The following AP1S3 variants were observed in gnomAD, a reference collection of about 807,000 sequenced individuals.
The protein encoded by AP1S3 is adaptor related protein complex 1 subunit sigma 3, also known as AP-1 complex subunit sigma-3.
AP1S3 carries 10 observed loss-of-function variants against 20.9 expected under a neutral mutation model. That is an observed-to-expected ratio of 0.48 (90% confidence interval 0.29 to 0.81). The LOEUF (loss-of-function observed/expected upper bound fraction) is 0.81, where lower values mean the gene tolerates loss of function less well. Ranked by LOEUF, AP1S3 falls within the 30% of genes least tolerant of loss-of-function variation. AP1S3 has a pLI of 0.08. For synonymous variants in AP1S3, 41 were observed against 61.5 expected (o/e 0.67, Z 1.56); for missense variants, 154 against 183.8 (o/e 0.84, Z 0.94).
chr2:223,824,048 G>A (rs537345780), intron 1 of AP1S3, among the ~76,000 whole-genome samples: 46 of 152,286 alleles, frequency 3.0e-4, no homozygotes, highest in African/African-American at 9.4e-4. Context: ...CTAGAGCGCA[G>A]TGGTGTGATC....
intron 2 of AP1S3, 46 bp from the exon 3 acceptor site, chr2:223,776,055 C>G (rs1690775658): frequency 2.7e-6 from 4 of 1,466,064 alleles, no homozygotes; most frequent in Non-Finnish European, 3.8e-6. Context: ...ATACATTAAG[C>G]AACCTGGAGA....
At chr2:223,819,638 C>G (rs1691941024) in intron 1 of AP1S3, among the ~76,000 whole-genome samples, 1 of 150,846 alleles carries the variant, frequency 6.6e-6, no homozygotes, top group Non-Finnish European at 1.5e-5. Flanking sequence ...TTGTGATTAT[C>G]TAATTTCACA....
At chr2:223,830,205 G>A (rs762835311) in intron 1 of AP1S3, among the ~76,000 whole-genome samples, 3 of 151,548 alleles carry the variant, frequency 2.0e-5, no homozygotes, top group East Asian at 1.9e-4. Flanking sequence ...TCGGCTGGGC[G>A]CTGTGGATCA....
At chr2:223,767,022 G>A (rs1270976185) in intron 3 of AP1S3, among the ~76,000 whole-genome samples, 2 of 151,972 alleles carry the variant, frequency 1.3e-5, no homozygotes, top group Non-Finnish European at 2.9e-5. Flanking sequence ...CATGGACACA[G>A]GGAGGGGAAC....
intron 2 of AP1S3, among the ~76,000 whole-genome samples, chr2:223,776,674 T>C (rs1202007672): frequency 1.3e-5 from 2 of 152,182 alleles, no homozygotes; most frequent in Non-Finnish European, 2.9e-5. Flanking sequence ...ATCAATTACC[T>C]GGGTCTCCAA....
chr2:223,780,347 AGAGAGAGAGAGTGTGTGTGTGT>A, intron 1 of AP1S3, among the ~76,000 whole-genome samples: 1 of 89,390 alleles, frequency 1.1e-5, no homozygotes, highest in African/African-American at 4.9e-5. Context: ...AGAGAGAGAG[AGAGAGAGAGAGTGTGTGTGTGT>A]GTGTGTGTGT....
intron 1 of AP1S3, among the ~76,000 whole-genome samples, chr2:223,824,987 A>G (rs1308182151): frequency 6.6e-6 from 1 of 152,096 alleles, no homozygotes; most frequent in East Asian, 1.9e-4. Context: ...AGCTGGGAAG[A>G]AAGGGTGGAG....
chr2:223,825,687 G>T lies in AP1S3; in HGVS notation c.3+11761C>A, dbSNP rs75457184. On this transcript the variant is annotated intron_variant, in intron 1 of 4. Transcript: ENST00000396654. ...AAGAAACAGATCTTATATTTGTGGG[G>T]TTTTTTTTCCTATTAATAATAACCA... Among the ~76,000 whole-genome samples the T allele has an allele frequency of 3.5e-3, 532 of 151,906 alleles. 1 individual carries two copies. The highest frequency in any genetic ancestry group is 0.027 in the Middle Eastern group (8 of 294).
intron 3 of AP1S3, among the ~76,000 whole-genome samples, chr2:223,771,958 T>C (rs2106085222): frequency 6.6e-6 from 1 of 151,962 alleles, no homozygotes; most frequent in South Asian, 2.1e-4. Flanking sequence ...AATACAAAAA[T>C]TAGCCAGGCA....
At chr2:223,762,347 ACT>A (rs1227989824) in intron 4 of AP1S3, among the ~76,000 whole-genome samples, 6 of 96,272 alleles carry the variant, frequency 6.2e-5, no homozygotes, top group Admixed American at 5.2e-4. Flanking sequence ...ATCTCGGCTC[ACT>A]GCAATCTCTG....
intron 1 of AP1S3, among the ~76,000 whole-genome samples, chr2:223,804,214 C>T (rs1691529869): frequency 6.6e-6 from 1 of 152,130 alleles, no homozygotes. Context: ...AAGCCACCAG[C>T]CAGGCAGTGG....
At chr2:223,830,811 A>G (rs1351347012) in intron 1 of AP1S3, among the ~76,000 whole-genome samples, 1 of 152,194 alleles carries the variant, frequency 6.6e-6, no homozygotes, top group Non-Finnish European at 1.5e-5. Context: ...CATCGCACTG[A>G]AAGACTAAAG....
chr2:223,775,986 C>T lies in AP1S3; in HGVS notation c.206G>A (p.Cys69Tyr), dbSNP rs1479113828. ...CTCATTGTCCTGATTTTCTATTGCACAGCAAAAATATAAACTAGCATACCT... is the reference window on the plus strand; with the variant it reads ...CTCATTGTCCTGATTTTCTATTGCATAGCAAAAATATAAACTAGCATACCT... Reference protein sequence around the residue: ...YKRYASLYFCCAIENQDNELL... With the variant: ...YKRYASLYFCYAIENQDNELL... Residue 69 changes from cysteine to tyrosine, a missense_variant, in exon 3 of 5, where the codon TGT becomes TAT. Physicochemically the swap from Cys to Tyr is radical, Grantham distance 194 (BLOSUM62 -2). Transcript: ENST00000396654. 6.2e-7 allele frequency: 1 copy of T among 1,613,826 alleles called. No individual in the cohort carries two copies. The highest frequency in any genetic ancestry group is 1.3e-5 in the African/African-American group (1 of 74,910).
At chr2:223,770,253 A>G in intron 3 of AP1S3, 2 of 1,550,750 alleles carry the variant, frequency 1.3e-6, no homozygotes, top group South Asian at 2.4e-5. Context: ...GGAACCTCGG[A>G]GTTCAAGGCA....
chr2:223,803,935 G>T (rs1279940829), intron 1 of AP1S3, among the ~76,000 whole-genome samples: 2 of 151,510 alleles, frequency 1.3e-5, no homozygotes, highest in Non-Finnish European at 2.9e-5. Context: ...ACTTAATAAT[G>T]AGTGCAATTT....
chr2:223,828,463 A>G (rs1244913965), intron 1 of AP1S3, among the ~76,000 whole-genome samples: 2 of 151,790 alleles, frequency 1.3e-5, no homozygotes, highest in Non-Finnish European at 2.9e-5. Context: ...TGCCCAGCTA[A>G]TTTTTTGTCA....
intron 1 of AP1S3, among the ~76,000 whole-genome samples, chr2:223,827,017 G>T (rs1378244168): frequency 6.6e-6 from 1 of 152,070 alleles, no homozygotes; most frequent in Non-Finnish European, 1.5e-5. Context: ...AATTTTGTAA[G>T]AGGCGGGCAA....
At chr2:223,786,024 C>T (rs529416422) in intron 1 of AP1S3, among the ~76,000 whole-genome samples, 15 of 152,164 alleles carry the variant, frequency 9.9e-5, no homozygotes, top group South Asian at 2.1e-4. Context: ...TGGTAGGGGA[C>T]GTTGATAATG....
intron 3 of AP1S3, chr2:223,770,311 C>T: frequency 1.3e-6 from 2 of 1,550,452 alleles, no homozygotes. Flanking sequence ...TTAGGAGAAA[C>T]CAGCAATTAA....
Sources: allele counts gnomAD v4.1 joint callset (sites outside exome capture counted in the v4.1 genomes callset), GRCh38; gene constraint gnomAD v4.1.1; transcripts MANE v1.5; gene names NCBI Gene and HGNC (gene_info 2026-07-23, HGNC 2026-07-21).